IL10: variants seen among roughly 807,000 people sequenced by gnomAD.
IL10 encodes interleukin-10.
In IL10, 7 loss-of-function variants were observed where a neutral mutation model predicts 21.0. The observed-to-expected ratio is 0.33, with a 90% CI of 0.19 to 0.63. The LOEUF is 0.63. Among genes scored for constraint, IL10 ranks in the 20% least tolerant of loss-of-function variants. IL10 has a pLI of 0.77. For missense variants in IL10, 161 were observed against 213.0 expected (o/e 0.76, Z 1.52); for synonymous variants, 83 against 79.7 (o/e 1.04, Z -0.22).
intron 4 of IL10, chr1:206,769,499 C>T (rs1404485540): frequency 2.3e-6 from 1 of 443,528 alleles, no homozygotes; most frequent in East Asian, 4.4e-5. Context: ...AGATTCCCAA[C>T]AAGCTACTTT....
At chr1:206,771,168 C>G in intron 2 of IL10, 109 bp from the exon 3 acceptor site, 1 of 1,322,732 alleles carries the variant, frequency 7.6e-7, no homozygotes, top group Non-Finnish European at 1.1e-6. Flanking sequence ...CCTCCTTCAC[C>G]AGAAGCCTCC....
In IL10 at chr1:206,772,384, C is replaced by G; in HGVS notation, c.52G>C (p.Ala18Pro). 6.2e-7 allele frequency: 1 copy of G among 1,614,102 alleles called. No homozygotes were observed. The highest frequency in any genetic ancestry group is 8.5e-7 in the Non-Finnish European group (1 of 1,179,962). ...CCLVLLTGVRASPGQGTQSEN... is the reference protein window; with the variant it reads ...CCLVLLTGVRPSPGQGTQSEN... ...GACTGGGTGCCCTGGCCTGGGCTGG[C>G]CCTCACCCCAGTCAGGAGGACCAGG... Residue 18 changes from alanine to proline, a missense_variant, in exon 1 of 5, where the codon GCC becomes CCC. Coordinates refer to ENST00000423557, the MANE Select transcript of IL10 (RefSeq NM_000572.3).
At chr1:206,772,041 C>T (rs1051048912) in intron 1 of IL10, among the ~76,000 whole-genome samples, 4 of 152,336 alleles carry the variant, frequency 2.6e-5, no homozygotes, top group Non-Finnish European at 2.9e-5. Context: ...CGAGAGAGAA[C>T]GCATTTACTT....
chr1:206,772,327 G>C lies in IL10; in HGVS notation c.109C>G (p.Leu37Val), dbSNP rs1186371398. 3 of 1,614,080 alleles carry C rather than the reference G, an allele frequency of 1.9e-6. No individual in the cohort carries two copies. The highest frequency in any genetic ancestry group is 1.3e-5 in the African/African-American group (1 of 74,932). Residue 37 changes from leucine to valine, a missense_variant, in exon 1 of 5, where the codon CTG becomes GTG. By Grantham distance (32) the Leu-to-Val change is conservative. Transcript: ENST00000423557. ...CGGAGATCTCGAAGCATGTTAGGCA[G>C]GTTGCCTGGGAAGTGGGTGCAGCTG... is the stretch of plus-strand genomic sequence containing the variant. Reference protein sequence around the residue: ...ENSCTHFPGNLPNMLRDLRDA... With the variant: ...ENSCTHFPGNVPNMLRDLRDA...
intron 1 of IL10, 98 bp from the exon 2 acceptor site, chr1:206,771,513 A>C: frequency 9.3e-7 from 1 of 1,077,500 alleles, no homozygotes; most frequent in Non-Finnish European, 1.4e-6. Flanking sequence ...TTTTTTTTTA[A>C]ATAAAATTGG....
chr1:206,769,682 GA>G, intron 4 of IL10, 146 bp downstream of exon 4: 1 of 725,950 alleles, frequency 1.4e-6, no homozygotes, highest in Non-Finnish European at 2.5e-6. Context: ...CTCACTGGCT[GA>G]GCAGGTCATA....
intron 3 of IL10, among the ~76,000 whole-genome samples, 196 bp from the exon 4 acceptor site, chr1:206,770,090 G>A (rs1674778470): frequency 6.6e-6 from 1 of 152,166 alleles, no homozygotes; most frequent in Non-Finnish European, 1.5e-5. Context: ...ACTCCAAGAT[G>A]TTTGCAAGGC....
chr1:206,769,779 T>A, intron 4 of IL10, 50 bp downstream of exon 4: 2 of 1,403,046 alleles, frequency 1.4e-6, no homozygotes, highest in Non-Finnish European at 2.0e-6. Flanking sequence ...GGTTGGGGAG[T>A]GGGCATGGGT....
intron 2 of IL10, 94 bp from the exon 3 acceptor site, chr1:206,771,153 G>T: frequency 7.1e-7 from 1 of 1,415,880 alleles, no homozygotes; most frequent in Non-Finnish European, 1.0e-6. Flanking sequence ...CTTGGTTCTA[G>T]CGATCCTCCT....
chr1:206,768,660 G>T lies in IL10; in HGVS notation c.513C>A (p.Tyr171Ter). The stretch of plus-strand genomic sequence containing the variant: ...CTCAGTTTCGTATCTTCATTGTCAT[G>T]TAGGCTTCTATGTAGTTGATGAAGA... ...FDIFINYIEA[Y>*]MTMKIRN The change falls in exon 5 of 5, where the codon TAC (tyrosine) becomes TAA (stop). Residue 171 changes from tyrosine (Y) to a stop codon, truncating the protein, a stop_gained. Transcript: ENST00000423557. LOFTEE classifies it high-confidence loss of function. 6.2e-7 allele frequency: 1 copy of T among 1,604,456 alleles called. No individual in the cohort carries two copies. Among genetic ancestry groups the T allele is most frequent in the Non-Finnish European group, 8.5e-7 (1 of 1,171,168 alleles).
chr1:206,769,561 T>A, intron 4 of IL10: 1 of 563,384 alleles, frequency 1.8e-6, no homozygotes, highest in Non-Finnish European at 3.2e-6. Context: ...CTCACTGTGT[T>A]CACAGGCTGG....
rs904195200 is a variant in IL10 at position 206,767,716 on chromosome 1, T to G, written c.*920A>C. The G allele has an allele frequency of 6.6e-6, 1 of 152,254 alleles. No individual in the cohort carries two copies. The highest frequency in any genetic ancestry group is 1.5e-5 in the Non-Finnish European group (1 of 68,018). The allele number at this position is 152,254 out of a possible 1,614,324, so 9.4% of individuals were successfully genotyped here. ...AATTCTAGTTAAAACTGAGTTCTAT[T>G]AGAACCAAATTTATTTTTATTTTTA... On this transcript the variant is annotated 3_prime_UTR_variant, in exon 5 of 5. Transcript: ENST00000423557.
In IL10 at chr1:206,771,338, C is replaced by T. The variant is rs376490444; in HGVS notation, c.225+18G>A. Reference sequence around the variant, plus strand: ...AATCATGCTGCACACTCCCCCAGCACCCCGCCCCTGCTCTCACCTTAAAGT... The same window carrying T: ...AATCATGCTGCACACTCCCCCAGCATCCCGCCCCTGCTCTCACCTTAAAGT... On this transcript the variant is annotated intron_variant, in intron 2 of 4. Transcript: ENST00000423557. 78 of 1,610,542 alleles carry T rather than the reference C, an allele frequency of 4.8e-5. No homozygotes were observed. In the African/African-American group the frequency reaches 9.7e-4, roughly 20 times the overall value.
At chr1:206,771,290 G>T in intron 2 of IL10, 66 bp downstream of exon 2, 1 of 1,432,476 alleles carries the variant, frequency 7.0e-7, no homozygotes, top group Non-Finnish European at 9.8e-7. Flanking sequence ...CCTGCAATCA[G>T]GAAGCAGAGT....
Position 206,772,307 on chromosome 1 carries a change from A to G in IL10, c.129T>C (p.Asp43=). 6.2e-7 allele frequency: 1 copy of G among 1,614,204 alleles called. No individual in the cohort carries two copies. The highest frequency in any genetic ancestry group is 8.5e-7 in the Non-Finnish European group (1 of 1,180,024). Residue 43 remains aspartate, a synonymous_variant, in exon 1 of 5, where the codon GAT becomes GAC. Coordinates refer to ENST00000423557, the MANE Select transcript of IL10 (RefSeq NM_000572.3). ...TCACTCTGCTGAAGGCATCTCGGAG[A>G]TCTCGAAGCATGTTAGGCAGGTTGC... The part of the protein sequence containing the change: ...FPGNLPNMLR[D]LRDAFSRVKT...
chr1:206,768,249 A>G lies in IL10; in HGVS notation c.*387T>C. 1 of 279,864 alleles carries G rather than the reference A, an allele frequency of 3.6e-6. No homozygotes were observed. The highest frequency in any genetic ancestry group is 4.8e-5 in the Admixed American group (1 of 20,736). The allele number at this position is 279,864 out of a possible 1,614,324, so 17.3% of individuals were successfully genotyped here. The stretch of plus-strand genomic sequence containing the variant: ...AGAGGGAGGTCAGGGAAAACAGCTC[A>G]ACAGCTAGAAAGCGTGGTCAGGCTT... On this transcript the variant is annotated 3_prime_UTR_variant, in exon 5 of 5. Coordinates refer to ENST00000423557, the MANE Select transcript of IL10 (RefSeq NM_000572.3).
chr1:206,771,285 A>C (rs1379946565), intron 2 of IL10, 71 bp downstream of exon 2: 2 of 1,392,546 alleles, frequency 1.4e-6, no homozygotes, highest in Non-Finnish European at 2.0e-6. Context: ...AATTCCCTGC[A>C]ATCAGGAAGC....
Position 206,771,040 on chromosome 1 carries a change from G to A in IL10, c.245C>T (p.Ala82Val), listed in dbSNP as rs1422818800. 1.2e-6 allele frequency: 2 copies of A among 1,614,008 alleles called. No homozygotes were observed. Among genetic ancestry groups the A allele is most frequent in the African/African-American group, 2.7e-5 (2 of 74,894 alleles). ...EDFKGYLGCQ[A>V]LSEMIQFYLE... ...GTAAAACTGGATCATCTCAGACAAG[G>A]CTTGGCAACCCAGGTAACCCTAAGG... Residue 82 changes from alanine (A) to valine (V), a missense_variant, in exon 3 of 5, where the codon GCC becomes GTC. Physicochemically the swap from Ala to Val is moderately conservative, Grantham distance 64. Coordinates refer to ENST00000423557, the MANE Select transcript of IL10 (RefSeq NM_000572.3).
Position 206,770,705 on chromosome 1 carries a change from A to T in IL10, c.378+202T>A, listed in dbSNP as rs187648997. 1.8e-5 allele frequency: 11 copies of T among 602,892 alleles called. No homozygotes were observed. In the South Asian group the frequency reaches 2.2e-4, roughly 12 times the overall value. 37.3% of individuals were successfully genotyped at this position (602,892 alleles called of 1,614,324 possible). On this transcript the variant is annotated intron_variant, in intron 3 of 4. Transcript: ENST00000423557. ...CAGGAAAGCTGTTTGCAAATTTCACATGTAAATGCCTAGCAGCCACCCCCA... is the reference window on the plus strand; with the variant it reads ...CAGGAAAGCTGTTTGCAAATTTCACTTGTAAATGCCTAGCAGCCACCCCCA...
Sources: allele counts gnomAD v4.1 joint callset (sites outside exome capture counted in the v4.1 genomes callset), GRCh38; gene constraint gnomAD v4.1.1; transcripts MANE v1.5; gene names NCBI Gene and HGNC (gene_info 2026-07-23, HGNC 2026-07-21).